GSE1: variants seen among roughly 807,000 people sequenced by gnomAD.
GSE1 encodes genetic suppressor element 1.
Under a neutral mutation model 112.6 loss-of-function variants are expected in GSE1, and 32 were observed. The ratio of observed to expected loss-of-function variants is 0.28; its 90% confidence interval spans 0.21 to 0.38. The LOEUF (loss-of-function observed/expected upper bound fraction) is 0.38, where lower values mean the gene tolerates loss of function less well. Among genes scored for constraint, GSE1 ranks in the 10% least tolerant of loss-of-function variants. The pLI is 1.00. For missense variants in GSE1, 2,348 were observed against 1,699.2 expected (o/e 1.38, Z -6.71); for synonymous variants, 1,115 against 735.6 (o/e 1.52, Z -8.35).
intron 2 of GSE1, among the ~76,000 whole-genome samples, chr16:85,398,883 A>G (rs2048026897): frequency 6.6e-6 from 1 of 152,008 alleles, no homozygotes; most frequent in Non-Finnish European, 1.5e-5. Context: ...GCGCACCGAC[A>G]TGTGTGGTAT....
chr16:85,556,122 C>A, exon 1 of GSE1: 1 of 980,996 alleles, frequency 1.0e-6, no homozygotes, highest in Non-Finnish European at 1.2e-6. Flanking sequence ...GGAGAGAGAG[C>A]CTTTTGATCA....
intron 2 of GSE1, among the ~76,000 whole-genome samples, chr16:85,643,066 C>A (rs1160690237): frequency 6.6e-6 from 1 of 152,110 alleles, no homozygotes; most frequent in Admixed American, 6.5e-5. Flanking sequence ...GCTGCTGTGG[C>A]GCTGCGGTCC....
chr16:85,176,808 C>T (rs1286630182), intron 1 of GSE1, among the ~76,000 whole-genome samples: 3 of 152,244 alleles, frequency 2.0e-5, no homozygotes, highest in East Asian at 1.9e-4. Flanking sequence ...GAGCGTCTGT[C>T]GTCACCCACC....
At chr16:85,341,278 C>T (rs987076458) in intron 1 of GSE1, among the ~76,000 whole-genome samples, 1 of 152,082 alleles carries the variant, frequency 6.6e-6, no homozygotes, top group African/African-American at 2.4e-5. Context: ...CAGCCTTGAC[C>T]TCCTGGCCTC....
rs776791725 is a variant in GSE1, at chr16:85,661,777, C to T, written c.2260+12C>T. 1.9e-5 allele frequency: 29 copies of T among 1,493,196 alleles called. No individual in the cohort carries two copies. The East Asian group carries it at 2.5e-4, about 13-fold the overall frequency. The allele number at this position is 1,493,196 out of a possible 1,614,324, so 92.5% of individuals were successfully genotyped here. A position where few individuals can be genotyped will look rare whatever the true frequency, so the allele number is the denominator to read the frequency against. ...GGCCCAGGAGAAAGGTCTGCCTCCC[C>T]GCGGGCCCCGAGCTGCTCAGGGAGA... is the stretch of plus-strand genomic sequence containing the variant. On this transcript the variant is annotated intron_variant, in intron 9 of 15. Coordinates refer to ENST00000253458, the MANE Select transcript of GSE1 (RefSeq NM_014615.5).
chr16:85,652,565 G>A (rs139600457), intron 3 of GSE1, among the ~76,000 whole-genome samples: 1 of 151,866 alleles, frequency 6.6e-6, no homozygotes, highest in Admixed American at 6.5e-5. Flanking sequence ...GGCGGCGGCG[G>A]CTCCTCCAGT....
chr16:85,661,909 GCTT>G (rs2052467227), intron 9 of GSE1, 144 bp downstream of exon 9: 2 of 769,492 alleles, frequency 2.6e-6, no homozygotes, highest in Non-Finnish European at 4.0e-6. Flanking sequence ...AAGTGCACTG[GCTT>G]CTTTGTAGCA....
intron 2 of GSE1, among the ~76,000 whole-genome samples, chr16:85,469,856 A>C (rs924643946): frequency 2.6e-5 from 4 of 152,218 alleles, no homozygotes; most frequent in African/African-American, 9.6e-5. Context: ...GATTAGGGAC[A>C]CCACGAGTGG....
At chr16:85,314,638 A>G (rs1287692084) in intron 1 of GSE1, among the ~76,000 whole-genome samples, 1 of 152,048 alleles carries the variant, frequency 6.6e-6, no homozygotes, top group Non-Finnish European at 1.5e-5. Flanking sequence ...CTTCCTGAAC[A>G]CCTGCTCCCC....
chr16:85,675,333 G>T lies in GSE1; in HGVS notation c.*2794G>T, dbSNP rs2053624324. ...CTCTGCAGAGGGATACCTTCCAATA[G>T]TAAATTATCTGGTTCCTCACTGAAA... is the stretch of plus-strand genomic sequence containing the variant. On this transcript the variant is annotated 3_prime_UTR_variant, in exon 16 of 16. Coordinates refer to ENST00000253458, the MANE Select transcript of GSE1 (RefSeq NM_014615.5). 6.6e-6 allele frequency: 1 copy of T among 152,148 alleles called. No individual in the cohort carries two copies. The highest frequency in any genetic ancestry group is 6.5e-5 in the Admixed American group (1 of 15,274). The allele number at this position is 152,148 out of a possible 1,614,324, so 9.4% of individuals were successfully genotyped here. A position where few individuals can be genotyped will look rare whatever the true frequency, so the allele number is the denominator to read the frequency against.
At chr16:85,331,382 T>TGC (rs1466558432) in intron 1 of GSE1, among the ~76,000 whole-genome samples, 5 of 140,084 alleles carry the variant, frequency 3.6e-5, no homozygotes, top group African/African-American at 1.3e-4. Context: ...TGTATATATA[T>TGC]GTATATATAT....
chr16:85,342,954 C>T (rs1269846165), intron 1 of GSE1, among the ~76,000 whole-genome samples: 1 of 151,864 alleles, frequency 6.6e-6, no homozygotes, highest in Non-Finnish European at 1.5e-5. Context: ...GAAAGCCGGG[C>T]ACAGGCTCTG....
At chr16:85,368,901 G>T (rs1024740248) in intron 2 of GSE1, among the ~76,000 whole-genome samples, 1 of 152,126 alleles carries the variant, frequency 6.6e-6, no homozygotes, top group Non-Finnish European at 1.5e-5. Context: ...AGGGCTGCGG[G>T]CTCCCTGAGT....
exon 1 of GSE1, chr16:85,170,575 C>T (rs1422633079): frequency 3.3e-5 from 33 of 985,522 alleles, no homozygotes; most frequent in Non-Finnish European, 3.9e-5. Flanking sequence ...GAACAGTGGC[C>T]GTGTCCCCCG....
intron 1 of GSE1, among the ~76,000 whole-genome samples, chr16:85,221,346 T>TGC (rs1317830217): frequency 6.6e-6 from 1 of 150,906 alleles, no homozygotes; most frequent in East Asian, 2.0e-4. Flanking sequence ...CCCAAGTACA[T>TGC]GCACACACAC....
chr16:85,567,009 G>C lies in GSE1; in HGVS notation c.37+10646G>C, dbSNP rs530088535. The stretch of plus-strand genomic sequence containing the variant: ...CACGGCCTTTATCTTAGATCTTAAG[G>C]GCCCAGGGACAAGGTGTTACTCCCG... On this transcript the variant is annotated intron_variant, in intron 1 of 2. Transcript: ENST00000635906. Among the ~76,000 whole-genome samples, 397 of 151,956 alleles carry C rather than the reference G, an allele frequency of 2.6e-3. 1 individual carries two copies. The highest frequency in any genetic ancestry group is 6.8e-3 in the Middle Eastern group (2 of 294).
intron 1 of GSE1, among the ~76,000 whole-genome samples, chr16:85,300,036 A>G (rs2045476922): frequency 6.6e-6 from 1 of 150,680 alleles, no homozygotes; most frequent in Non-Finnish European, 1.5e-5. Context: ...TTTGAGACAC[A>G]GTTTTGCTCT....
At chr16:85,470,245 T>G (rs1351117889) in intron 2 of GSE1, among the ~76,000 whole-genome samples, 1 of 152,196 alleles carries the variant, frequency 6.6e-6, no homozygotes, top group Non-Finnish European at 1.5e-5. Flanking sequence ...TCGGTTGATG[T>G]GAGAGGGCAC....
chr16:85,580,199 A>C (rs1444729623), intron 1 of GSE1: 1 of 152,358 alleles, frequency 6.6e-6, no homozygotes, highest in Non-Finnish European at 1.5e-5. Context: ...TGTTGCTTGG[A>C]ATGTTCACTC....
Sources: gnomAD v4.1 joint callset for allele counts (sites outside exome capture counted in the v4.1 genomes callset) on GRCh38, gnomAD v4.1.1 for gene constraint, MANE v1.5 for transcripts, NCBI Gene and HGNC (gene_info 2026-07-23, HGNC 2026-07-21) for gene names.